Variants in ACACA observed in about 807,000 individuals in gnomAD.
The protein encoded by ACACA is acetyl-CoA carboxylase alpha.
A neutral mutation model predicts 296.1 loss-of-function variants in ACACA; 103 were observed. The ratio of observed to expected loss-of-function variants is 0.35; its 90% confidence interval spans 0.30 to 0.41. The LOEUF (loss-of-function observed/expected upper bound fraction) is 0.41. Ranked by LOEUF, ACACA falls within the 10% of genes least tolerant of loss-of-function variation. The pLI, the probability that ACACA is intolerant of heterozygous loss-of-function variation, is 1.00. For missense variants in ACACA, 1,554 were observed against 2,989.7 expected, an observed-to-expected ratio of 0.52 and a Z score of 11.20; for synonymous variants, 953 against 1,038.6, an observed-to-expected ratio of 0.92 and a Z score of 1.58.
intron 55 of ACACA, among the ~76,000 whole-genome samples, chr17:37,087,950 T>C (rs1457658401): frequency 6.6e-6 from 1 of 152,220 alleles, no homozygotes; most frequent in Non-Finnish European, 1.5e-5. Context: ...CCTTAAAATG[T>C]CTTCCTGCAG....
At chr17:37,183,977 C>A (rs569579454) in intron 39 of ACACA, among the ~76,000 whole-genome samples, 1 of 151,298 alleles carries the variant, frequency 6.6e-6, no homozygotes, top group East Asian at 2.0e-4. Flanking sequence ...CTCAGCCTCC[C>A]GAGTAGCTGG....
intron 1 of ACACA, among the ~76,000 whole-genome samples, chr17:37,384,027 A>G (rs972694490): frequency 6.6e-6 from 1 of 152,184 alleles, no homozygotes; most frequent in African/African-American, 2.4e-5. Context: ...GCACTTTGGG[A>G]GCCCGAGGCG....
chr17:37,218,984 G>A (rs1210602676), intron 29 of ACACA, among the ~76,000 whole-genome samples: 4 of 152,186 alleles, frequency 2.6e-5, no homozygotes, highest in South Asian at 2.1e-4. Context: ...TAATAGGAGT[G>A]TCATTGTTAT....
At chr17:37,145,862 C>T (rs2075784799) in intron 45 of ACACA, among the ~76,000 whole-genome samples, 3 of 152,150 alleles carry the variant, frequency 2.0e-5, no homozygotes, top group Admixed American at 2.0e-4. Flanking sequence ...TACTACAACT[C>T]ATCTCAATTT....
At chr17:37,401,040 G>T (rs2147850034) in intron 1 of ACACA, among the ~76,000 whole-genome samples, 1 of 152,138 alleles carries the variant, frequency 6.6e-6, no homozygotes, top group South Asian at 2.1e-4. Context: ...CCACATCCTT[G>T]CCAATGCTTA....
chr17:37,102,170 T>A (rs2073397606), intron 52 of ACACA, among the ~76,000 whole-genome samples: 1 of 151,048 alleles, frequency 6.6e-6, no homozygotes, highest in Non-Finnish European at 1.5e-5. Context: ...CTCTGAAATG[T>A]AAAGGGACTT....
chr17:37,356,955 T>C (rs2049170584), intron 1 of ACACA, among the ~76,000 whole-genome samples: 1 of 152,136 alleles, frequency 6.6e-6, no homozygotes, highest in Admixed American at 6.6e-5. Context: ...TCCTAGTCAT[T>C]GACTGCAAAG....
chr17:37,195,772 T>C (rs1003825768), intron 35 of ACACA, among the ~76,000 whole-genome samples: 4 of 152,150 alleles, frequency 2.6e-5, no homozygotes, highest in Non-Finnish European at 5.9e-5. Context: ...ACAGTTTTAG[T>C]AAATTCTTTT....
chr17:37,320,081 C>T (rs1199114356), intron 3 of ACACA, among the ~76,000 whole-genome samples: 1 of 152,002 alleles, frequency 6.6e-6, no homozygotes, highest in Admixed American at 6.6e-5. Context: ...GCCATGATCA[C>T]ACCACTGCAC....
chr17:37,301,437 C>T (rs936111622), intron 3 of ACACA: 1 of 984,520 alleles, frequency 1.0e-6, no homozygotes, highest in Non-Finnish European at 1.2e-6. Flanking sequence ...ACATGCCAAA[C>T]ACCAAGGATG....
At chr17:37,098,172 C>T (rs1032705989) in intron 52 of ACACA, among the ~76,000 whole-genome samples, 188 bp from the exon 53 acceptor site, 9 of 152,196 alleles carry the variant, frequency 5.9e-5, no homozygotes, top group Admixed American at 5.9e-4. Context: ...CAGTCTTTAC[C>T]TTGCCACAAG....
At chr17:37,221,115 C>T (rs1302137558) in intron 29 of ACACA, among the ~76,000 whole-genome samples, 1 of 151,608 alleles carries the variant, frequency 6.6e-6, no homozygotes, top group South Asian at 2.1e-4. Context: ...AATTCTGAAA[C>T]AAAAACGTCC....
intron 1 of ACACA, among the ~76,000 whole-genome samples, chr17:37,342,134 C>T (rs553402350): frequency 2.8e-4 from 42 of 151,448 alleles, no homozygotes; most frequent in Admixed American, 5.3e-4. Context: ...TGTGGCCAGG[C>T]GCAGTGGCTC....
chr17:37,141,379 T>A, intron 45 of ACACA: 1 of 344,108 alleles, frequency 2.9e-6, no homozygotes, highest in East Asian at 7.9e-5. Flanking sequence ...TGGATGCCAC[T>A]GCCAAAGGTT....
chr17:37,309,744 G>C (rs1462964096), intron 3 of ACACA, among the ~76,000 whole-genome samples: 1 of 152,050 alleles, frequency 6.6e-6, no homozygotes, highest in African/African-American at 2.4e-5. Flanking sequence ...AGGGTCTCAT[G>C]AGCTGAGTTA....
At chr17:37,179,766 C>G (rs1409561514) in intron 40 of ACACA, among the ~76,000 whole-genome samples, 5 of 152,068 alleles carry the variant, frequency 3.3e-5, no homozygotes, top group African/African-American at 1.2e-4. Context: ...AGAAACTTGA[C>G]AACAAAGGAA....
intron 42 of ACACA, among the ~76,000 whole-genome samples, chr17:37,158,315 C>G (rs540590249): frequency 6.6e-6 from 1 of 152,226 alleles, no homozygotes; most frequent in South Asian, 2.1e-4. Context: ...TCAGCTTGTA[C>G]ATGAAACTTA....
At chr17:37,106,059 C>G (rs2073668958) in intron 52 of ACACA, among the ~76,000 whole-genome samples, 1 of 151,660 alleles carries the variant, frequency 6.6e-6, no homozygotes, top group East Asian at 1.9e-4. Flanking sequence ...TATTAAGATT[C>G]AGAAGTACAA....
At chr17:37,114,964 T>G (rs573546777) in intron 50 of ACACA, among the ~76,000 whole-genome samples, 20 of 152,310 alleles carry the variant, frequency 1.3e-4, no homozygotes, top group Admixed American at 2.6e-4. Context: ...AAAGTAAAAA[T>G]GGCTTAATAT....
Sources: allele counts gnomAD v4.1 joint callset (sites outside exome capture counted in the v4.1 genomes callset), GRCh38; gene constraint gnomAD v4.1.1; transcripts MANE v1.5; gene names NCBI Gene and HGNC (gene_info 2026-07-23, HGNC 2026-07-21).